MYO1B: variants seen among roughly 807,000 people sequenced by gnomAD.
MYO1B encodes the protein myosin IB.
In MYO1B, 72 loss-of-function variants were observed where a neutral mutation model predicts 159.7. That is an observed-to-expected ratio of 0.45 (90% confidence interval 0.37 to 0.55). The LOEUF (loss-of-function observed/expected upper bound fraction) is 0.55, where lower values mean the gene tolerates loss of function less well. MYO1B is among the 20% of genes least tolerant of loss of function. MYO1B has a pLI of 0.00. For missense variants in MYO1B, 1,062 were observed against 1,364.8 expected (o/e 0.78, Z 3.50); for synonymous variants, 468 against 473.8 (o/e 0.99, Z 0.16).
At chr2:191,307,673 T>C (rs1689733422) in intron 3 of MYO1B, among the ~76,000 whole-genome samples, 1 of 152,136 alleles carries the variant, frequency 6.6e-6, no homozygotes, top group South Asian at 2.1e-4. Context: ...AGTGCCCCAC[T>C]TCAGACACCA....
chr2:191,319,467 T>G (rs1366140546), intron 3 of MYO1B, among the ~76,000 whole-genome samples: 1 of 152,228 alleles, frequency 6.6e-6, no homozygotes, highest in Non-Finnish European at 1.5e-5. Flanking sequence ...ACTGATTTTC[T>G]TTTTAAAATT....
At chr2:191,416,052 C>G in intron 29 of MYO1B, 63 bp from the exon 30 acceptor site, 2 of 1,540,652 alleles carry the variant, frequency 1.3e-6, no homozygotes, top group Non-Finnish European at 1.8e-6. Flanking sequence ...TTTAGCCAAG[C>G]CTGTAAATAT....
intron 3 of MYO1B, among the ~76,000 whole-genome samples, chr2:191,299,565 C>T (rs939174031): frequency 2.6e-5 from 4 of 152,180 alleles, no homozygotes; most frequent in Non-Finnish European, 5.9e-5. Flanking sequence ...AGGGAGGAAC[C>T]GTCCTCACTT....
At chr2:191,266,406 G>A (rs530766713) in intron 1 of MYO1B, among the ~76,000 whole-genome samples, 1 of 152,294 alleles carries the variant, frequency 6.6e-6, no homozygotes, top group East Asian at 1.9e-4. Flanking sequence ...TCCAGCCTGG[G>A]TCTGTGGCTC....
intron 4 of MYO1B, among the ~76,000 whole-genome samples, chr2:191,339,217 T>A (rs547867522): frequency 1.3e-5 from 2 of 152,108 alleles, no homozygotes; most frequent in South Asian, 4.2e-4. Flanking sequence ...CTCACCTGAA[T>A]TGAAATTGAA....
At chr2:191,322,271 G>A (rs1038570615) in intron 3 of MYO1B, among the ~76,000 whole-genome samples, 1 of 152,098 alleles carries the variant, frequency 6.6e-6, no homozygotes, top group African/African-American at 2.4e-5. Context: ...TCCAAAGAGC[G>A]GCTTCCAGGC....
chr2:191,325,063 A>G (rs986105093), intron 3 of MYO1B, among the ~76,000 whole-genome samples: 2 of 152,154 alleles, frequency 1.3e-5, no homozygotes, highest in African/African-American at 4.8e-5. Flanking sequence ...CTTCTCTTCC[A>G]TGTCCTTGTG....
intron 3 of MYO1B, among the ~76,000 whole-genome samples, chr2:191,317,292 A>G (rs1160500843): frequency 6.6e-6 from 1 of 152,172 alleles, no homozygotes; most frequent in Non-Finnish European, 1.5e-5. Flanking sequence ...GGACCTAGAG[A>G]ACTGACCAAC....
intron 3 of MYO1B, among the ~76,000 whole-genome samples, chr2:191,305,285 A>G (rs1210939274): frequency 6.6e-6 from 1 of 152,220 alleles, no homozygotes; most frequent in African/African-American, 2.4e-5. Flanking sequence ...TTGTCTGAAC[A>G]GGGGCTGACA....
chr2:191,337,984 G>A (rs1035805712), intron 4 of MYO1B, among the ~76,000 whole-genome samples: 1 of 152,132 alleles, frequency 6.6e-6, no homozygotes, highest in Non-Finnish European at 1.5e-5. Context: ...GTCTCATGAG[G>A]TAACTATTAT....
intron 1 of MYO1B, among the ~76,000 whole-genome samples, chr2:191,273,673 A>G (rs927458965): frequency 6.6e-6 from 1 of 152,204 alleles, no homozygotes; most frequent in African/African-American, 2.4e-5. Context: ...CCTAGATCAC[A>G]TGTTCATTTT....
chr2:191,328,795 T>C (rs1240388952), intron 3 of MYO1B, among the ~76,000 whole-genome samples: 1 of 152,218 alleles, frequency 6.6e-6, no homozygotes, highest in African/African-American at 2.4e-5. Flanking sequence ...GCCTTTATTT[T>C]TGTCTAAAAG....
Position 191,390,426 on chromosome 2 carries a change from A to G in MYO1B, c.1916A>G (p.Glu639Gly). ...GGCTACGCCTTCAGGCAGGCCTATG[A>G]ACCTTGCCTAGAAAGATACAAAATG... Reference protein sequence around the residue: ...RAGYAFRQAYEPCLERYKMLC... With the variant: ...RAGYAFRQAYGPCLERYKMLC... Residue 639 changes from glutamate (E) to glycine (G), a missense_variant, in exon 18 of 31, where the codon GAA (glutamate) becomes GGA (glycine). This residue lies in a region of MYO1B where 609 missense variants were observed against 744.4 expected (regional missense o/e 0.82). Coordinates refer to ENST00000392318, the MANE Select transcript of MYO1B (RefSeq NM_001130158.3). 2 of 1,614,246 alleles carry G rather than the reference A, an allele frequency of 1.2e-6. No individual in the cohort carries two copies. Among genetic ancestry groups the G allele is most frequent in the Non-Finnish European group, 1.7e-6 (2 of 1,180,036 alleles).
intron 1 of MYO1B, among the ~76,000 whole-genome samples, chr2:191,249,545 G>T (rs148833914): frequency 6.6e-6 from 1 of 152,316 alleles, no homozygotes; most frequent in Non-Finnish European, 1.5e-5. Flanking sequence ...CCTTAGGGTG[G>T]CACTGAGAGT....
intron 19 of MYO1B, among the ~76,000 whole-genome samples, chr2:191,392,800 G>A (rs1243874148): frequency 6.6e-6 from 1 of 152,182 alleles, no homozygotes; most frequent in Non-Finnish European, 1.5e-5. Context: ...CATAGACAGT[G>A]TGAAGGTAAA....
In MYO1B at chr2:191,414,604, G is replaced by C. The variant is rs141570178; in HGVS notation, c.3094G>C (p.Val1032Leu). The part of the protein sequence containing the change: ...SGQIKSEVPL[V>L]DVTKVSMSSQ... ...ACAAATCAAGTCAGAGGTTCCATTGGTGGATGTGACCAAGGTATCAATGAG... is the reference window on the plus strand; with the variant it reads ...ACAAATCAAGTCAGAGGTTCCATTGCTGGATGTGACCAAGGTATCAATGAG... The change falls in exon 29 of 31, where the codon GTG (valine) becomes CTG (leucine). Residue 1032 changes from valine to leucine, a missense_variant. By Grantham distance (32) the Val-to-Leu change is conservative. Transcript: ENST00000392318. The C allele has an allele frequency of 6.2e-7, 1 of 1,613,566 alleles. No homozygotes were observed. The highest frequency in any genetic ancestry group is 8.5e-7 in the Non-Finnish European group (1 of 1,179,792).
chr2:191,392,479 C>T (rs1226951358), intron 19 of MYO1B, among the ~76,000 whole-genome samples: 1 of 152,166 alleles, frequency 6.6e-6, no homozygotes, highest in Non-Finnish European at 1.5e-5. Flanking sequence ...GTGCAACATT[C>T]ATAGCAACTG....
intron 9 of MYO1B, 38 bp from the exon 10 acceptor site, chr2:191,363,690 T>C (rs1472806818): frequency 6.4e-7 from 1 of 1,564,230 alleles, no homozygotes; most frequent in Non-Finnish European, 8.6e-7. Context: ...AAAATAACTA[T>C]AAGAAAAAAA....
intron 24 of MYO1B, among the ~76,000 whole-genome samples, chr2:191,404,638 A>T (rs1359353100): frequency 6.6e-6 from 1 of 152,236 alleles, no homozygotes; most frequent in East Asian, 1.9e-4. Context: ...CTCTGCAATA[A>T]AGTGAATATC....
Sources: gnomAD v4.1 joint callset for allele counts (sites outside exome capture counted in the v4.1 genomes callset) on GRCh38, gnomAD v4.1.1 for gene constraint, gnomAD v4.1.1 regional missense constraint, MANE v1.5 for transcripts, NCBI Gene and HGNC (gene_info 2026-07-23, HGNC 2026-07-21) for gene names.